Variants in ARHGAP10 observed in about 807,000 individuals in gnomAD.
ARHGAP10 encodes the protein Rho GTPase activating protein 10, also known as rho GTPase-activating protein 10.
Under a neutral mutation model 108.6 loss-of-function variants are expected in ARHGAP10, and 87 were observed. That is an observed-to-expected ratio of 0.80 (90% CI 0.67 to 0.96). ARHGAP10 has a LOEUF of 0.96. ARHGAP10 is among the 40% of genes least tolerant of loss of function. The pLI, the probability that ARHGAP10 is intolerant of heterozygous loss-of-function variation, is 0.00. For missense variants in ARHGAP10, 939 were observed against 954.5 expected, an observed-to-expected ratio of 0.98 and a Z score of 0.21; for synonymous variants, 347 against 341.1, an observed-to-expected ratio of 1.02 and a Z score of -0.19.
intron 13 of ARHGAP10, among the ~76,000 whole-genome samples, chr4:147,926,713 A>G (rs1737473712): frequency 6.6e-6 from 1 of 152,196 alleles, no homozygotes; most frequent in African/African-American, 2.4e-5. Flanking sequence ...AGGAAGAAGA[A>G]TAATGGAGAC....
chr4:147,789,524 T>G (rs1444702945), intron 1 of ARHGAP10, among the ~76,000 whole-genome samples: 1 of 152,224 alleles, frequency 6.6e-6, no homozygotes, highest in African/African-American at 2.4e-5. Context: ...ACTCCTGGCC[T>G]CGGCCTCCCA....
At chr4:147,907,060 G>A (rs1736526135) in intron 11 of ARHGAP10, among the ~76,000 whole-genome samples, 2 of 152,158 alleles carry the variant, frequency 1.3e-5, no homozygotes, top group African/African-American at 4.8e-5. Flanking sequence ...TTTGATCTCA[G>A]TGGAGATGGA....
intron 18 of ARHGAP10, among the ~76,000 whole-genome samples, chr4:147,982,031 CT>C (rs1739827198): frequency 6.6e-6 from 1 of 152,112 alleles, no homozygotes; most frequent in Non-Finnish European, 1.5e-5. Flanking sequence ...CACCCTATGT[CT>C]TTTATTTTTA....
intron 18 of ARHGAP10, among the ~76,000 whole-genome samples, chr4:147,973,408 A>G (rs1739483278): frequency 6.6e-6 from 1 of 152,116 alleles, no homozygotes; most frequent in Admixed American, 6.5e-5. Flanking sequence ...TTTCGTGGGT[A>G]CATAGTTGGT....
intron 15 of ARHGAP10, among the ~76,000 whole-genome samples, chr4:147,952,332 A>C (rs1369036994): frequency 6.6e-6 from 1 of 152,218 alleles, no homozygotes; most frequent in Non-Finnish European, 1.5e-5. Flanking sequence ...GGAAACTGAC[A>C]AACTTTCTTC....
At chr4:147,888,769 C>T (rs1293143724) in intron 10 of ARHGAP10, among the ~76,000 whole-genome samples, 2 of 152,092 alleles carry the variant, frequency 1.3e-5, no homozygotes, top group Non-Finnish European at 2.9e-5. Context: ...CATTTTCCAC[C>T]GTCTGTGTCT....
At chr4:148,026,310 TG>T (rs1560881220) in intron 19 of ARHGAP10, among the ~76,000 whole-genome samples, 1 of 152,168 alleles carries the variant, frequency 6.6e-6, no homozygotes. Flanking sequence ...CCTGTTAGCA[TG>T]TGTCACAGTA....
chr4:147,760,463 CA>C (rs960241252), intron 1 of ARHGAP10, among the ~76,000 whole-genome samples: 8 of 152,060 alleles, frequency 5.3e-5, no homozygotes, highest in African/African-American at 1.9e-4. Context: ...TGCTTGTGGA[CA>C]GAGCGGCAGA....
intron 1 of ARHGAP10, among the ~76,000 whole-genome samples, chr4:147,767,437 T>C (rs1362827948): frequency 6.6e-6 from 1 of 152,016 alleles, no homozygotes; most frequent in Non-Finnish European, 1.5e-5. Flanking sequence ...TTTCCCTGCA[T>C]GTCTAGTATC....
chr4:147,980,782 A>G (rs564770442), intron 18 of ARHGAP10, among the ~76,000 whole-genome samples: 71 of 152,106 alleles, frequency 4.7e-4, no homozygotes, highest in Non-Finnish European at 9.7e-4. Flanking sequence ...GTGTGGTTGT[A>G]TGTTTCCAGG....
intron 19 of ARHGAP10, among the ~76,000 whole-genome samples, chr4:148,030,155 C>T (rs1281256612): frequency 6.6e-6 from 1 of 151,738 alleles, no homozygotes; most frequent in Non-Finnish European, 1.5e-5. Flanking sequence ...AAAAAAAATA[C>T]ATAGCTGCTT....
At chr4:147,782,008 C>A (rs1350602205) in intron 1 of ARHGAP10, among the ~76,000 whole-genome samples, 1 of 152,110 alleles carries the variant, frequency 6.6e-6, no homozygotes, top group East Asian at 1.9e-4. Flanking sequence ...TAAAAAGTCG[C>A]TGAATAGTTT....
chr4:147,763,315 GT>G (rs771156855), intron 1 of ARHGAP10, among the ~76,000 whole-genome samples: 137 of 138,880 alleles, frequency 9.9e-4, no homozygotes, highest in Middle Eastern at 3.5e-3. Context: ...GTAGATAATA[GT>G]TTTTTTTTTT....
At position 147,875,271 on chromosome 4, in the gene ARHGAP10, C is replaced by T; in HGVS notation, c.832+121C>T. The T allele has an allele frequency of 2.8e-6, 3 of 1,080,538 alleles. No individual in the cohort carries two copies. In the South Asian group the frequency reaches 5.8e-5, roughly 21 times the overall value. 66.9% of individuals were successfully genotyped at this position (1,080,538 alleles called of 1,614,324 possible). A position where few individuals can be genotyped will look rare whatever the true frequency, so the allele number is the denominator to read the frequency against. ...TTATTCCTACCTCTTTCTCTCCCTG[C>T]TCCTATCACCTAATGGGTGTATATT... On this transcript the variant is annotated intron_variant, in intron 8 of 22. Transcript: ENST00000336498.
rs1446557618 is a variant in ARHGAP10 at position 147,913,039 on chromosome 4, A to G, written c.1163-35A>G. On this transcript the variant is annotated intron_variant, in intron 12 of 22. Coordinates refer to ENST00000336498, the MANE Select transcript of ARHGAP10 (RefSeq NM_024605.4). ...AGGAAGAGAAATGTGATAAATAATA[A>G]TTGTACACTTAATGTTTTAAACTGT... is the stretch of plus-strand genomic sequence containing the variant. 3 of 1,555,338 alleles carry G rather than the reference A, an allele frequency of 1.9e-6. No individual in the cohort carries two copies. The Admixed American group carries it at 5.0e-5, about 26-fold the overall frequency.
In ARHGAP10 at chr4:147,975,844, G is replaced by A. The variant is rs189297187; in HGVS notation, c.1716+9005G>A. Among the ~76,000 whole-genome samples, 22 of 152,262 alleles carry A rather than the reference G, an allele frequency of 1.4e-4. No individual in the cohort carries two copies. In the East Asian group the frequency reaches 2.1e-3, roughly 15 times the overall value. ...AATGTAATCACCAGAATAATGTTAC[G>A]TGCACATATAGAGGAGTATCACACT... On this transcript the variant is annotated intron_variant, in intron 18 of 22. Transcript: ENST00000336498.
At position 147,820,678 on chromosome 4, in the gene ARHGAP10, C is replaced by T. The variant is rs377201330; in HGVS notation, c.155-2049C>T. Among the ~76,000 whole-genome samples, 53 of 146,460 alleles carry T rather than the reference C, an allele frequency of 3.6e-4. No individual in the cohort carries two copies. In the South Asian group the frequency reaches 7.8e-3, roughly 22 times the overall value. ...TGATCTTGGCTCACTGCAACTTTCT[C>T]CTCCTGGGTTCAAGTGATTCTCGTG... On this transcript the variant is annotated intron_variant, in intron 1 of 22. Transcript: ENST00000336498.
intron 1 of ARHGAP10, among the ~76,000 whole-genome samples, chr4:147,790,350 A>G (rs568361387): frequency 6.6e-6 from 1 of 152,336 alleles, no homozygotes; most frequent in African/African-American, 2.4e-5. Flanking sequence ...GTGTTTCAAC[A>G]TATGAATTTT....
At chr4:147,784,841 A>AAATATATTATAAAATATATATTAT (rs1560757062) in intron 1 of ARHGAP10, among the ~76,000 whole-genome samples, 5 of 102,860 alleles carry the variant, frequency 4.9e-5, no homozygotes, top group African/African-American at 7.9e-5. Flanking sequence ...AATATATTAT[A>AAATATATTATAAAATATATATTAT]AAATATATAT....
Sources: allele counts gnomAD v4.1 joint callset (sites outside exome capture counted in the v4.1 genomes callset), GRCh38; gene constraint gnomAD v4.1.1; transcripts MANE v1.5; gene names NCBI Gene and HGNC (gene_info 2026-07-23, HGNC 2026-07-21).